The following ELP1 variants were observed in gnomAD, a reference collection of about 807,000 sequenced individuals.
The protein encoded by ELP1 is elongator complex protein 1.
Under a neutral mutation model 183.2 loss-of-function variants are expected in ELP1, and 131 were observed. The observed-to-expected ratio is 0.72, with a 90% CI of 0.62 to 0.83. The LOEUF (loss-of-function observed/expected upper bound fraction) is 0.83. Among genes scored for constraint, ELP1 ranks in the 40% least tolerant of loss-of-function variants. ELP1 has a pLI of 0.00. For synonymous variants in ELP1, 555 were observed against 569.0 expected (o/e 0.98, Z 0.35); for missense variants, 1,550 against 1,594.9 (o/e 0.97, Z 0.48).
At chr9:108,880,858 C>T (rs752986221) in intron 31 of ELP1, among the ~76,000 whole-genome samples, 3 of 152,088 alleles carry the variant, frequency 2.0e-5, no homozygotes, top group Non-Finnish European at 2.9e-5. Context: ...ACCCCAGCAA[C>T]GTTTTAATTA....
chr9:108,896,880 G>T, intron 24 of ELP1, 73 bp downstream of exon 24: 1 of 1,326,622 alleles, frequency 7.5e-7, no homozygotes, highest in Non-Finnish European at 1.1e-6. Flanking sequence ...CAATGACATG[G>T]TGATTGTCAC....
In ELP1 at chr9:108,916,219, T is replaced by C. The variant is rs776727368; in HGVS notation, c.943A>G (p.Ile315Val). The change falls in exon 10 of 37, where the codon ATT becomes GTT. Residue 315 changes from isoleucine (I) to valine (V), a missense_variant. By Grantham distance (29) the Ile-to-Val change is conservative. Transcript: ENST00000374647. ...LEDLQREESS[I>V]PKTCVQLWTV... is the part of the protein sequence containing the mutation. ...GCTGTCTTACCACAGGTTTTCGGAA[T>C]GGAGCTTTCTTCTCTCTGAAGGTCT... The C allele has an allele frequency of 5.0e-6, 8 of 1,613,946 alleles. No individual in the cohort carries two copies. The highest frequency in any genetic ancestry group is 3.3e-5 in the Admixed American group (2 of 60,010).
At chr9:108,881,639 ACT>A in intron 31 of ELP1, 64 bp downstream of exon 31, 1 of 943,540 alleles carries the variant, frequency 1.1e-6, no homozygotes, top group Non-Finnish European at 1.7e-6. Context: ...ATAGGAGGAG[ACT>A]CTCTCATCTC....
chr9:108,927,584 C>T (rs1423083163), intron 3 of ELP1, 131 bp from the exon 4 acceptor site: 3 of 745,892 alleles, frequency 4.0e-6, no homozygotes, highest in East Asian at 2.7e-5. Flanking sequence ...TATCTGCACT[C>T]TCATGTTTGT....
chr9:108,917,392 AGGAG>A (rs1041352239), intron 9 of ELP1, among the ~76,000 whole-genome samples, 151 bp downstream of exon 9: 2 of 151,374 alleles, frequency 1.3e-5, no homozygotes, highest in African/African-American at 4.9e-5. Context: ...ACTTGAACCT[AGGAG>A]GCGGAGGTTG....
At chr9:108,880,348 G>C (rs1329578912) in intron 31 of ELP1, among the ~76,000 whole-genome samples, 183 bp from the exon 32 acceptor site, 1 of 152,096 alleles carries the variant, frequency 6.6e-6, no homozygotes, top group Non-Finnish European at 1.5e-5. Flanking sequence ...CCAGATCTTA[G>C]AGTTCATCAA....
chr9:108,932,610 G>A (rs1830035588), intron 1 of ELP1, among the ~76,000 whole-genome samples: 1 of 152,056 alleles, frequency 6.6e-6, no homozygotes, highest in South Asian at 2.1e-4. Flanking sequence ...CCAAAGTGCT[G>A]GGATTACAGG....
chr9:108,875,233 T>C (rs952563813), intron 35 of ELP1, among the ~76,000 whole-genome samples: 14 of 152,226 alleles, frequency 9.2e-5, no homozygotes, highest in Admixed American at 2.6e-4. Flanking sequence ...TACAGTGATA[T>C]ATCTTGGCCT....
At chr9:108,872,550 A>C (rs1267389537) in intron 36 of ELP1, among the ~76,000 whole-genome samples, 3 of 152,086 alleles carry the variant, frequency 2.0e-5, no homozygotes, top group Non-Finnish European at 4.4e-5. Context: ...CACGCTTGTA[A>C]TCCCAGCACT....
At chr9:108,919,682 G>A (rs1187911521) in intron 6 of ELP1, among the ~76,000 whole-genome samples, 1 of 152,018 alleles carries the variant, frequency 6.6e-6, no homozygotes, top group Non-Finnish European at 1.5e-5. Flanking sequence ...AAGGAAACAA[G>A]TGTTCCATTT....
intron 3 of ELP1, among the ~76,000 whole-genome samples, chr9:108,927,728 T>A (rs1478655967): frequency 6.6e-6 from 1 of 152,188 alleles, no homozygotes; most frequent in East Asian, 1.9e-4. Flanking sequence ...GATCCTGTCA[T>A]CTGCAACAAC....
At chr9:108,919,421 A>G in intron 6 of ELP1, 72 bp from the exon 7 acceptor site, 1 of 969,388 alleles carries the variant, frequency 1.0e-6, no homozygotes, top group Non-Finnish European at 1.7e-6. Context: ...GCCTCAGACC[A>G]CTAGATACAG....
chr9:108,904,245 A>ATTTTTTTTTTTTTTTTTTTTTTT (rs57450962), intron 14 of ELP1, among the ~76,000 whole-genome samples: 1 of 132,444 alleles, frequency 7.6e-6, no homozygotes, highest in Non-Finnish European at 1.6e-5. Flanking sequence ...AAATTTCACT[A>ATTTTTTTTTTTTTTTTTTTTTTT]TTTTTTTTTT....
At chr9:108,926,380 G>A in intron 5 of ELP1, 143 bp downstream of exon 5, 1 of 720,602 alleles carries the variant, frequency 1.4e-6, no homozygotes, top group Non-Finnish European at 2.5e-6. Context: ...TGGGCTGAAG[G>A]AACTGGGCTA....
intron 25 of ELP1, among the ~76,000 whole-genome samples, chr9:108,894,723 T>G (rs10979596): frequency 0.086 from 13,082 of 152,272 alleles, 649 homozygotes; most frequent in East Asian, 0.16. Context: ...GGTGCTGTTT[T>G]CATGACATTC....
intron 36 of ELP1, among the ~76,000 whole-genome samples, chr9:108,871,194 T>A (rs1415549018): frequency 3.9e-5 from 6 of 152,128 alleles, no homozygotes; most frequent in African/African-American, 7.2e-5. Context: ...AAGGTTCTTT[T>A]CCATACATTT....
At chr9:108,914,415 G>C (rs112716049) in intron 10 of ELP1, among the ~76,000 whole-genome samples, 8 of 47,190 alleles carry the variant, frequency 1.7e-4, no homozygotes, top group East Asian at 5.9e-4. Flanking sequence ...AAAAAAAAAG[G>C]GGGGGGGGGT....
At chr9:108,873,030 C>T (rs899276599) in intron 36 of ELP1, among the ~76,000 whole-genome samples, 5 of 152,072 alleles carry the variant, frequency 3.3e-5, no homozygotes, top group Non-Finnish European at 7.4e-5. Context: ...TTTCACAGCA[C>T]ACAAAAAAGG....
At chr9:108,905,436 T>A (rs1250000501) in intron 14 of ELP1, among the ~76,000 whole-genome samples, 1 of 152,132 alleles carries the variant, frequency 6.6e-6, no homozygotes, top group East Asian at 1.9e-4. Flanking sequence ...TGAAACCTGT[T>A]ACATAATGAA....
Sources: gnomAD v4.1 joint callset for allele counts (sites outside exome capture counted in the v4.1 genomes callset) on GRCh38, gnomAD v4.1.1 for gene constraint, MANE v1.5 for transcripts, NCBI Gene and HGNC (gene_info 2026-07-23, HGNC 2026-07-21) for gene names.